The following ABCG2 variants were observed in gnomAD, a reference collection of about 807,000 sequenced individuals.
The protein encoded by ABCG2 is ATP binding cassette subfamily G member 2 (JR blood group).
In ABCG2, 80 loss-of-function variants were observed where a neutral mutation model predicts 73.5. The observed-to-expected ratio is 1.09, with a 90% CI of 0.91 to 1.31. ABCG2 has a LOEUF of 1.31. Ranked by LOEUF, ABCG2 falls within the 50% of genes most tolerant of loss-of-function variation. The probability of loss-of-function intolerance (pLI) is 0.00; values close to 1 mark genes in which losing one functional copy is unlikely to be tolerated. For synonymous variants in ABCG2, 269 were observed against 282.4 expected, an observed-to-expected ratio of 0.95 and a Z score of 0.48; for missense variants, 796 against 786.2, an observed-to-expected ratio of 1.01 and a Z score of -0.15.
At chr4:88,115,368 C>G (rs1723501397) in intron 7 of ABCG2, among the ~76,000 whole-genome samples, 1 of 148,624 alleles carries the variant, frequency 6.7e-6, no homozygotes, top group Non-Finnish European at 1.5e-5. Flanking sequence ...ACTGAAACCT[C>G]TGCCTCCCGA....
At position 88,131,047 on chromosome 4, in the gene ABCG2, T is replaced by A. The variant is rs2231143; in HGVS notation, c.531+14A>T. Reference sequence around the variant, plus strand: ...CTTATGCTGATCATGATGCTTTCAGTTTTTCCACATTACCTTGGAGTCTGC... The same window carrying A: ...CTTATGCTGATCATGATGCTTTCAGATTTTCCACATTACCTTGGAGTCTGC... On this transcript the variant is annotated intron_variant, in intron 5 of 15. Transcript: ENST00000237612. The A allele has an allele frequency of 4.6e-5, 74 of 1,613,554 alleles. No homozygotes were observed. In the African/African-American group the frequency reaches 9.6e-4, roughly 21 times the overall value.
At chr4:88,155,807 G>A (rs552810919) in intron 1 of ABCG2, among the ~76,000 whole-genome samples, 95 of 152,196 alleles carry the variant, frequency 6.2e-4, no homozygotes, top group Non-Finnish European at 1.2e-3. Flanking sequence ...TCAGGAGGCT[G>A]AGGCAGGAGA....
rs778050082 is a variant in ABCG2, at chr4:88,176,155, T to TCG, written c.-19-36142_-19-36141insCG. Reference sequence around the variant, plus strand: ...TTGTGTTTAATTATTATGATTATTCTTGTTTTTTTTTTCTTTTTTTGTGGA... The same window carrying TCG: ...TTGTGTTTAATTATTATGATTATTCTCGTGTTTTTTTTTTCTTTTTTTGTGGA... On this transcript the variant is annotated intron_variant, in intron 1 of 15. Coordinates refer to the ABCG2 transcript ENST00000515655. 4.0e-3 allele frequency among the ~76,000 whole-genome samples: 491 copies of TCG among 121,868 alleles called. 1 individual carries two copies. Among genetic ancestry groups the TCG allele is most frequent in the African/African-American group, 0.013 (439 of 33,982 alleles). 80.0% of individuals were successfully genotyped at this position (121,868 alleles called of 152,430 possible). A position where few individuals can be genotyped will look rare whatever the true frequency, so the allele number is the denominator to read the frequency against.
intron 1 of ABCG2, among the ~76,000 whole-genome samples, chr4:88,149,223 A>AAAAT (rs775574328): frequency 1.4e-4 from 21 of 152,264 alleles, no homozygotes; most frequent in Non-Finnish European, 2.5e-4. Context: ...CTAAAATATA[A>AAAAT]AAATAAATAA....
rs70957302 is a variant in ABCG2, at chr4:88,125,607, C to CAAAAAAAAAAAA, written c.532-3827_532-3816dup. On this transcript the variant is annotated intron_variant, in intron 5 of 15. Transcript: ENST00000237612. Reference sequence around the variant, plus strand: ...TGGGCAACAGAGCAAGACTCTGTCTCAAAAAAAAAAAAAAAAAAAAAAAAA... The same window carrying CAAAAAAAAAAAA: ...TGGGCAACAGAGCAAGACTCTGTCTCAAAAAAAAAAAAAAAAAAAAAAAAAAAAAAAAAAAAA... Among the ~76,000 whole-genome samples, 24 of 34,980 alleles carry CAAAAAAAAAAAA rather than the reference C, an allele frequency of 6.9e-4. 1 individual carries two copies. Among genetic ancestry groups the CAAAAAAAAAAAA allele is most frequent in the South Asian group, 4.7e-3 (2 of 428 alleles). The allele number at this position is 34,980 out of a possible 152,430, so 22.9% of individuals were successfully genotyped here.
At position 88,091,993 on chromosome 4, in the gene ABCG2, T is replaced by C. The variant is rs1035254919; in HGVS notation, c.*241A>G. On this transcript the variant is annotated 3_prime_UTR_variant, in exon 16 of 16. Transcript: ENST00000237612. ...TTTTAGATTAATAAATTAGACCAGA[T>C]TTCTTCCCCATGGTTACTGTCTGAG... 8.5e-6 allele frequency: 3 copies of C among 351,716 alleles called. No individual in the cohort carries two copies. The highest frequency in any genetic ancestry group is 1.5e-5 in the Non-Finnish European group (3 of 195,466). 21.8% of individuals were successfully genotyped at this position (351,716 alleles called of 1,614,324 possible).
intron 1 of ABCG2, among the ~76,000 whole-genome samples, chr4:88,203,820 C>A (rs781029707): frequency 6.7e-6 from 1 of 149,974 alleles, no homozygotes; most frequent in Admixed American, 6.6e-5. Flanking sequence ...CATGAGAAGG[C>A]AAAAGGCAAC....
At position 88,118,108 on chromosome 4, in the gene ABCG2, C is replaced by A. The variant is rs773259715; in HGVS notation, c.841+1G>T. 4 of 1,611,936 alleles carry A rather than the reference C, an allele frequency of 2.5e-6. No homozygotes were observed. Among genetic ancestry groups the A allele is most frequent in the Non-Finnish European group, 3.4e-6 (4 of 1,179,338 alleles). ...TTACAGCATAAAAAAGTCAACCATA[C>A]CAGCTGATTCAAAGTATCCCAAGGC... On this transcript the variant is annotated splice_donor_variant, in intron 7 of 15. Transcript: ENST00000237612. LOFTEE classifies it high-confidence loss of function.
chr4:88,211,363 A>G (rs6821527), intron 1 of ABCG2, among the ~76,000 whole-genome samples: 1 of 47,554 alleles, frequency 2.1e-5, no homozygotes, highest in Non-Finnish European at 4.0e-5. Context: ...CCCCTGCCCC[A>G]CCCCCCCCCA....
chr4:88,180,101 A>G (rs1302044507), intron 1 of ABCG2, among the ~76,000 whole-genome samples: 3 of 152,152 alleles, frequency 2.0e-5, no homozygotes, highest in Non-Finnish European at 2.9e-5. Context: ...CACCAAGCAG[A>G]TTTAACCCAA....
At position 88,118,138 on chromosome 4, in the gene ABCG2, T is replaced by C. The variant is rs764672006; in HGVS notation, c.812A>G (p.Gln271Arg). The C allele has an allele frequency of 1.2e-6, 2 of 1,613,778 alleles. No homozygotes were observed. The highest frequency in any genetic ancestry group is 2.7e-5 in the African/African-American group (2 of 74,912). ...TGATTCAAAGTATCCCAAGGCCTCC[T>C]GAGCAGGCCCGTGGAACATAAGTCT... Reference protein sequence around the residue: ...SGRLMFHGPAQEALGYFESAG... With the variant: ...SGRLMFHGPAREALGYFESAG... The change falls in exon 7 of 16, where the codon CAG (glutamine) becomes CGG (arginine). Residue 271 changes from glutamine (Q) to arginine (R), a missense_variant. Transcript: ENST00000237612.
At chr4:88,179,065 A>C (rs925343556) in intron 1 of ABCG2, among the ~76,000 whole-genome samples, 20 of 150,878 alleles carry the variant, frequency 1.3e-4, no homozygotes, top group African/African-American at 4.6e-4. Context: ...GTAGACAGGC[A>C]GTGGTTACCA....
chr4:88,098,003 G>C (rs188232073), intron 12 of ABCG2, among the ~76,000 whole-genome samples: 83 of 152,294 alleles, frequency 5.4e-4, no homozygotes, highest in Non-Finnish European at 9.6e-4. Context: ...CGATCGGGAT[G>C]CCATGACCTC....
chr4:88,163,797 G>T, upstream of ABCG2: 1 of 344,488 alleles, frequency 2.9e-6, no homozygotes, highest in Admixed American at 3.5e-5. Flanking sequence ...AAGCTGTCTG[G>T]GCCAAAGGAA....
At chr4:88,105,108 G>A (rs1283701611) in intron 10 of ABCG2, among the ~76,000 whole-genome samples, 1 of 152,122 alleles carries the variant, frequency 6.6e-6, no homozygotes, top group Non-Finnish European at 1.5e-5. Flanking sequence ...TCAGCCCTCA[G>A]GGAAAGTAAA....
intron 1 of ABCG2, among the ~76,000 whole-genome samples, chr4:88,210,192 C>A (rs1578280810): frequency 1.8e-4 from 1 of 5,502 alleles, no homozygotes; most frequent in Non-Finnish European, 1.6e-3. Context: ...CCTACACACA[C>A]ACACACACAC....
chr4:88,111,808 A>G (rs1213165661), intron 9 of ABCG2, among the ~76,000 whole-genome samples: 1 of 152,132 alleles, frequency 6.6e-6, no homozygotes, highest in Non-Finnish European at 1.5e-5. Flanking sequence ...ATAACAGAAA[A>G]GGCCAGGCAT....
chr4:88,094,481 C>T (rs1247138744), intron 15 of ABCG2, 96 bp downstream of exon 15: 12 of 1,029,594 alleles, frequency 1.2e-5, no homozygotes, highest in Non-Finnish European at 1.8e-5. Flanking sequence ...AAATTCAGTG[C>T]CCCTGGAAGG....
chr4:88,133,698 C>T (rs543310914), intron 2 of ABCG2, among the ~76,000 whole-genome samples: 2 of 152,230 alleles, frequency 1.3e-5, no homozygotes, highest in African/African-American at 2.4e-5. Flanking sequence ...AGTGAAGGAA[C>T]TGGAGAAAGG....
Sources: allele counts gnomAD v4.1 joint callset (sites outside exome capture counted in the v4.1 genomes callset), GRCh38; gene constraint gnomAD v4.1.1; transcripts MANE v1.5; gene names NCBI Gene and HGNC (gene_info 2026-07-23, HGNC 2026-07-21).